GNAO1: variants seen among roughly 807,000 people sequenced by gnomAD.
GNAO1 encodes the protein guanine nucleotide-binding protein G(o) subunit alpha.
For synonymous variants in GNAO1, 164 were observed against 180.7 expected (o/e 0.91, Z 0.74); for missense variants, 166 against 478.7 (o/e 0.35, Z 6.10).
chr16:56,281,088 A>G (rs1402644557), intron 3 of GNAO1, among the ~76,000 whole-genome samples: 3 of 152,160 alleles, frequency 2.0e-5, no homozygotes, highest in Non-Finnish European at 1.5e-5. Flanking sequence ...TTAAAAAAAA[A>G]TGAGGCATGG....
chr16:56,288,124 C>T (rs994708488), intron 3 of GNAO1, among the ~76,000 whole-genome samples: 3 of 152,242 alleles, frequency 2.0e-5, no homozygotes, highest in Admixed American at 6.5e-5. Flanking sequence ...CCCTCAGCAC[C>T]TGGCTGTCTC....
intron 2 of GNAO1, chr16:56,194,063 G>C (rs943819785): frequency 2.2e-6 from 1 of 454,684 alleles, no homozygotes; most frequent in Non-Finnish European, 4.4e-6. Context: ...TGTGTAACAG[G>C]CATGACAAGC....
intron 3 of GNAO1, among the ~76,000 whole-genome samples, chr16:56,296,994 C>T (rs1033932364): frequency 5.9e-5 from 9 of 152,162 alleles, no homozygotes; most frequent in African/African-American, 2.2e-4. Flanking sequence ...AGTTAGAGCC[C>T]TTTGGGTGTT....
chr16:56,245,070 C>G (rs2036730568), intron 2 of GNAO1, among the ~76,000 whole-genome samples: 1 of 152,034 alleles, frequency 6.6e-6, no homozygotes, highest in Non-Finnish European at 1.5e-5. Flanking sequence ...TAGAATCAGC[C>G]TACACTAGAG....
At position 56,344,222 on chromosome 16, in the gene GNAO1, G is replaced by A. The variant is rs557329583; in HGVS notation, c.724-7162G>A. The A allele has an allele frequency of 2.5e-5, 34 of 1,380,826 alleles. No homozygotes were observed. In the South Asian group the frequency reaches 2.5e-4, roughly 10 times the overall value. The allele number at this position is 1,380,826 out of a possible 1,614,324, so 85.5% of individuals were successfully genotyped here. On this transcript the variant is annotated intron_variant, in intron 6 of 8. Coordinates refer to ENST00000262493, the MANE Select transcript of GNAO1 (RefSeq NM_020988.3). Reference sequence around the variant, plus strand: ...CTGTGTCATCTCTGAGTGCTTGATCGGGAAGCTGGGGGGACAGGGCAGGGC... The same window carrying A: ...CTGTGTCATCTCTGAGTGCTTGATCAGGAAGCTGGGGGGACAGGGCAGGGC...
At chr16:56,288,090 G>A (rs944361893) in intron 3 of GNAO1, among the ~76,000 whole-genome samples, 4 of 152,130 alleles carry the variant, frequency 2.6e-5, no homozygotes, top group South Asian at 2.1e-4. Context: ...CCAGCCAGAC[G>A]TGTCTTCTTT....
At chr16:56,278,558 C>T (rs1368194821) in intron 3 of GNAO1, among the ~76,000 whole-genome samples, 2 of 152,116 alleles carry the variant, frequency 1.3e-5, no homozygotes, top group Non-Finnish European at 2.9e-5. Context: ...GCTGCAGTAC[C>T]TGCTGGTGTG....
At chr16:56,216,061 G>A (rs2036434115) in intron 2 of GNAO1, among the ~76,000 whole-genome samples, 1 of 152,156 alleles carries the variant, frequency 6.6e-6, no homozygotes, top group Non-Finnish European at 1.5e-5. Flanking sequence ...AGCAATAGAG[G>A]AGTGGGTGGC....
At chr16:56,225,463 T>C (rs570852989) in intron 2 of GNAO1, among the ~76,000 whole-genome samples, 29 of 152,248 alleles carry the variant, frequency 1.9e-4, no homozygotes, top group African/African-American at 6.3e-4. Flanking sequence ...AGGTGGTGAC[T>C]CTCCCTGATC....
chr16:56,299,382 GCGTCTAA>G (rs2037319764), intron 3 of GNAO1, among the ~76,000 whole-genome samples: 1 of 152,236 alleles, frequency 6.6e-6, no homozygotes, highest in South Asian at 2.1e-4. Context: ...CCGATCTGCT[GCGTCTAA>G]CTCTCTCAAA....
intron 2 of GNAO1, among the ~76,000 whole-genome samples, chr16:56,200,581 C>T (rs1405231893): frequency 2.6e-5 from 4 of 152,188 alleles, no homozygotes; most frequent in Admixed American, 6.5e-5. Flanking sequence ...GTGTTGTATT[C>T]AGACAATGAT....
At chr16:56,238,090 T>A (rs1398068947) in intron 2 of GNAO1, among the ~76,000 whole-genome samples, 1 of 151,808 alleles carries the variant, frequency 6.6e-6, no homozygotes, top group Non-Finnish European at 1.5e-5. Flanking sequence ...CCATCATGGG[T>A]CCCATCACAG....
chr16:56,337,235 T>G (rs746779241), intron 6 of GNAO1, among the ~76,000 whole-genome samples: 9 of 152,230 alleles, frequency 5.9e-5, no homozygotes, highest in Non-Finnish European at 1.2e-4. Flanking sequence ...AATAGCAGTC[T>G]TAGCCTGACA....
At position 56,343,809 on chromosome 16, in the gene GNAO1, C is replaced by T. The variant is rs375972567; in HGVS notation, c.723+6949C>T. On this transcript the variant is annotated intron_variant, in intron 6 of 8. Coordinates refer to ENST00000262493, the MANE Select transcript of GNAO1 (RefSeq NM_020988.3). ...CCGTGGCTTACATCCAGGCCCAGTA[C>T]GAGAGCAAGAACAAGTCAGCCCACA... 8.7e-5 allele frequency: 140 copies of T among 1,613,594 alleles called. No homozygotes were observed. Among genetic ancestry groups the T allele is most frequent in the African/African-American group, 6.1e-4 (46 of 74,964 alleles).
At chr16:56,250,770 C>A (rs1264688797) in intron 2 of GNAO1, among the ~76,000 whole-genome samples, 4 of 152,194 alleles carry the variant, frequency 2.6e-5, no homozygotes, top group African/African-American at 9.6e-5. Context: ...CACCCCTCAG[C>A]CTCAGCTCCA....
At chr16:56,207,564 G>A (rs1158238197) in intron 2 of GNAO1, among the ~76,000 whole-genome samples, 1 of 152,120 alleles carries the variant, frequency 6.6e-6, no homozygotes. Context: ...ATTGTTCCAG[G>A]GCTAACTACT....
intron 2 of GNAO1, among the ~76,000 whole-genome samples, chr16:56,210,930 T>C (rs770107529): frequency 5.3e-5 from 8 of 152,284 alleles, no homozygotes; most frequent in Non-Finnish European, 1.2e-4. Flanking sequence ...TTCTGGTATA[T>C]AGAAATACAG....
At chr16:56,215,948 C>G (rs1312585013) in intron 2 of GNAO1, among the ~76,000 whole-genome samples, 6 of 152,218 alleles carry the variant, frequency 3.9e-5, no homozygotes, top group Admixed American at 3.9e-4. Flanking sequence ...CTGTCTCTGA[C>G]TGTCCCATCT....
intron 2 of GNAO1, among the ~76,000 whole-genome samples, chr16:56,210,667 A>C (rs1008195470): frequency 6.6e-6 from 1 of 152,232 alleles, no homozygotes; most frequent in Admixed American, 6.5e-5. Flanking sequence ...TCTAATGATA[A>C]ATGATGCGGA....
Sources: gnomAD v4.1 joint callset for allele counts (sites outside exome capture counted in the v4.1 genomes callset) on GRCh38, gnomAD v4.1.1 for gene constraint, MANE v1.5 for transcripts, NCBI Gene and HGNC (gene_info 2026-07-23, HGNC 2026-07-21) for gene names.